Variants in TMBIM6 observed in about 807,000 individuals in gnomAD.
TMBIM6 encodes transmembrane BAX inhibitor motif containing 6.
TMBIM6 carries 13 observed loss-of-function variants against 31.4 expected under a neutral mutation model. That is an observed-to-expected ratio of 0.41 (90% confidence interval 0.27 to 0.66). TMBIM6 has a LOEUF of 0.66. Among genes scored for constraint, TMBIM6 ranks in the 30% least tolerant of loss-of-function variants. TMBIM6 has a pLI of 0.28. For synonymous variants in TMBIM6, 85 were observed against 101.7 expected (o/e 0.84, Z 0.99); for missense variants, 275 against 289.5 (o/e 0.95, Z 0.36).
At chr12:49,751,758 A>ATTTTTTTTTTTTTTTTTTTTTTTTTTTT (rs58141027) in intron 1 of TMBIM6, among the ~76,000 whole-genome samples, 2 of 108,572 alleles carry the variant, frequency 1.8e-5, no homozygotes, top group Non-Finnish European at 3.6e-5. Context: ...TAGTGAGATA[A>ATTTTTTTTTTTTTTTTTTTTTTTTTTTT]TTTTTTTTTT....
chr12:49,742,294 G>T (rs759750008), intron 1 of TMBIM6: 1 of 1,568,862 alleles, frequency 6.4e-7, no homozygotes, highest in Non-Finnish European at 8.6e-7. Context: ...AGGTGGCTTT[G>T]CTTTGCTTGG....
chr12:49,757,596 A>G (rs1406281983), intron 4 of TMBIM6, among the ~76,000 whole-genome samples: 1 of 152,250 alleles, frequency 6.6e-6, no homozygotes. Flanking sequence ...TCTGAGTGAC[A>G]GTCTAATATA....
intron 1 of TMBIM6, chr12:49,742,290 C>T (rs369287457): frequency 1.3e-6 from 2 of 1,569,810 alleles, no homozygotes; most frequent in African/African-American, 1.4e-5. Flanking sequence ...GGTGAGGTGG[C>T]TTTGCTTTGC....
intron 4 of TMBIM6, among the ~76,000 whole-genome samples, chr12:49,757,159 GCCTGGCCTT>G (rs1353771170): frequency 1.3e-5 from 2 of 152,178 alleles, no homozygotes; most frequent in Admixed American, 1.3e-4. Context: ...GAGCCACTGT[GCCTGGCCTT>G]CCTGGCCTGC....
At chr12:49,761,633 T>G (rs986778443) in intron 8 of TMBIM6, 71 bp from the exon 9 acceptor site, 1 of 1,466,966 alleles carries the variant, frequency 6.8e-7, no homozygotes, top group Non-Finnish European at 9.5e-7. Flanking sequence ...GGGGTTTATA[T>G]TCTGCATCTT....
chr12:49,761,442 C>T (rs907577522), intron 8 of TMBIM6, among the ~76,000 whole-genome samples: 1 of 152,082 alleles, frequency 6.6e-6, no homozygotes, highest in Non-Finnish European at 1.5e-5. Flanking sequence ...TGGGCTCAAG[C>T]AGTCCACCTG....
intron 8 of TMBIM6, among the ~76,000 whole-genome samples, chr12:49,759,692 A>G (rs1240547105): frequency 2.0e-5 from 3 of 152,012 alleles, no homozygotes; most frequent in Non-Finnish European, 2.9e-5. Flanking sequence ...ATATAATCCC[A>G]GCTACTCAGG....
chr12:49,758,603 G>A (rs2136957355), intron 6 of TMBIM6, 80 bp from the exon 7 acceptor site: 1 of 1,557,972 alleles, frequency 6.4e-7, no homozygotes, highest in Non-Finnish European at 8.9e-7. Flanking sequence ...CATTCTGGGG[G>A]AAGTTAAGGA....
In TMBIM6 at chr12:49,742,360, A is replaced by C. The variant is rs566877220; in HGVS notation, c.-31+749A>C. The C allele has an allele frequency of 1.3e-3, 1,914 of 1,492,566 alleles. 2 individuals carry two copies. The highest frequency in any genetic ancestry group is 1.6e-3 in the Non-Finnish European group (1,746 of 1,121,238). 92.5% of individuals were successfully genotyped at this position (1,492,566 alleles called of 1,614,324 possible). On this transcript the variant is annotated intron_variant, in intron 1 of 9. Transcript: ENST00000267115. ...CTGCTCAGCAAGGGCGTCGTTGGGC[A>C]GTTTTTATCTTGGGCCTACTTGCTG...
intron 1 of TMBIM6, among the ~76,000 whole-genome samples, chr12:49,751,980 C>G (rs1331343573): frequency 6.6e-6 from 1 of 151,970 alleles, no homozygotes; most frequent in Non-Finnish European, 1.5e-5. Flanking sequence ...CCAGGCTGGT[C>G]TCGAACTCCT....
Position 49,763,680 on chromosome 12 carries a change from T to A in TMBIM6, c.*784T>A, listed in dbSNP as rs1945763050. 6.6e-6 allele frequency: 1 copy of A among 152,230 alleles called. No homozygotes were observed. The highest frequency in any genetic ancestry group is 1.5e-5 in the Non-Finnish European group (1 of 68,076). The allele number at this position is 152,230 out of a possible 1,614,324, so 9.4% of individuals were successfully genotyped here. A position where few individuals can be genotyped will look rare whatever the true frequency, so the allele number is the denominator to read the frequency against. On this transcript the variant is annotated 3_prime_UTR_variant, in exon 10 of 10. Coordinates refer to ENST00000267115, the MANE Select transcript of TMBIM6 (RefSeq NM_003217.3). ...TCCCCTAAACTTGCCCTGTTTTTGT[T>A]TTTTTAGTTTGTTATCCCCTTACTG...
intron 3 of TMBIM6, among the ~76,000 whole-genome samples, chr12:49,755,372 A>G (rs1307703879): frequency 6.6e-6 from 1 of 152,056 alleles, no homozygotes; most frequent in Non-Finnish European, 1.5e-5. Context: ...TCATAGTTTG[A>G]CTTGGGTAGT....
intron 4 of TMBIM6, 110 bp downstream of exon 4, chr12:49,755,865 G>A (rs1347070112): frequency 2.6e-5 from 32 of 1,252,136 alleles, no homozygotes; most frequent in Middle Eastern, 2.9e-4. Context: ...ACAGAGTCTC[G>A]CTCTGTTGCC....
At chr12:49,751,238 C>CTA (rs1440135366) in intron 1 of TMBIM6, among the ~76,000 whole-genome samples, 2 of 152,112 alleles carry the variant, frequency 1.3e-5, no homozygotes, top group Non-Finnish European at 2.9e-5. Context: ...TGGCAAAAAT[C>CTA]TGAATAAGGT....
At position 49,761,618 on chromosome 12, in the gene TMBIM6, G is replaced by A. The variant is rs139835320; in HGVS notation, c.615-86G>A. 4.3e-4 allele frequency: 534 copies of A among 1,239,780 alleles called. 6 individuals are homozygous for A. In the East Asian group the frequency reaches 0.011, roughly 26 times the overall value. The allele number at this position is 1,239,780 out of a possible 1,614,324, so 76.8% of individuals were successfully genotyped here. A position where few individuals can be genotyped will look rare whatever the true frequency, so the allele number is the denominator to read the frequency against. On this transcript the variant is annotated intron_variant, in intron 8 of 9. Coordinates refer to ENST00000267115, the MANE Select transcript of TMBIM6 (RefSeq NM_003217.3). Reference sequence around the variant, plus strand: ...TGGGAGAAGCTGGCTCGTGGGGGTAGGGGTGGGGTTTATATTCTGCATCTT... The same window carrying A: ...TGGGAGAAGCTGGCTCGTGGGGGTAAGGGTGGGGTTTATATTCTGCATCTT...
intron 7 of TMBIM6, 148 bp downstream of exon 7, chr12:49,758,910 C>A: frequency 1.3e-6 from 1 of 744,564 alleles, no homozygotes; most frequent in Non-Finnish European, 2.2e-6. Flanking sequence ...AGCCTTCTGC[C>A]ACAAGTGAAA....
intron 1 of TMBIM6, 112 bp downstream of exon 1, chr12:49,741,723 C>T (rs1945297606): frequency 4.7e-6 from 1 of 214,834 alleles, no homozygotes; most frequent in South Asian, 5.4e-5. Context: ...AGATGGCACC[C>T]TGAAGGAACG....
At chr12:49,752,577 G>A in intron 2 of TMBIM6, 28 bp downstream of exon 2, 1 of 1,537,704 alleles carries the variant, frequency 6.5e-7, no homozygotes, top group Non-Finnish European at 9.0e-7. Context: ...GACTGGTTTT[G>A]TACTGCATTT....
At chr12:49,748,695 A>T (rs547711449) in intron 1 of TMBIM6, among the ~76,000 whole-genome samples, 6 of 152,222 alleles carry the variant, frequency 3.9e-5, no homozygotes, top group Non-Finnish European at 8.8e-5. Flanking sequence ...CAAACGCAGT[A>T]TAGGCAGATT....
Sources: gnomAD v4.1 joint callset for allele counts (sites outside exome capture counted in the v4.1 genomes callset) on GRCh38, gnomAD v4.1.1 for gene constraint, MANE v1.5 for transcripts, NCBI Gene and HGNC (gene_info 2026-07-23, HGNC 2026-07-21) for gene names.